Variants in SLC35A1 observed in about 807,000 individuals in gnomAD.
SLC35A1 encodes CMP-sialic acid transporter.
Under a neutral mutation model 40.3 loss-of-function variants are expected in SLC35A1, and 21 were observed. The observed-to-expected ratio is 0.52, with a 90% CI of 0.37 to 0.75. SLC35A1 has a LOEUF of 0.75. Among genes scored for constraint, SLC35A1 ranks in the 30% least tolerant of loss-of-function variants. The pLI, the probability that SLC35A1 is intolerant of heterozygous loss-of-function variation, is 0.00. For missense variants in SLC35A1, 297 were observed against 382.1 expected (o/e 0.78, Z 1.86); for synonymous variants, 146 against 147.3 (o/e 0.99, Z 0.06).
intron 4 of SLC35A1, 58 bp from the exon 5 acceptor site, chr6:87,506,324 T>G: frequency 7.4e-7 from 1 of 1,348,870 alleles, no homozygotes; most frequent in Non-Finnish European, 1.1e-6. Context: ...TTGTTTGGAC[T>G]CTTGGATGAA....
Position 87,473,107 on chromosome 6 carries a change from G to GAGCACC in SLC35A1, c.16+89_16+94dup, listed in dbSNP as rs1043099710. Reference sequence around the variant, plus strand: ...GCTGGTCAGCCCCTGTCGGGCAGCGGAGCACCCTGGTTGCCCAGTGCCTCT... The same window carrying GAGCACC: ...GCTGGTCAGCCCCTGTCGGGCAGCGGAGCACCAGCACCCTGGTTGCCCAGTGCCTCT... On this transcript the variant is annotated intron_variant, in intron 1 of 7. Coordinates refer to ENST00000369552, the MANE Select transcript of SLC35A1 (RefSeq NM_006416.5). 2.4e-4 allele frequency: 102 copies of GAGCACC among 416,800 alleles called. 1 individual carries two copies. The highest frequency in any genetic ancestry group is 1.8e-3 in the African/African-American group (88 of 48,834). 25.8% of individuals were successfully genotyped at this position (416,800 alleles called of 1,614,324 possible).
intron 3 of SLC35A1, 34 bp downstream of exon 3, chr6:87,500,701 A>C (rs779019007): frequency 6.2e-7 from 1 of 1,609,568 alleles, no homozygotes; most frequent in Non-Finnish European, 8.5e-7. Flanking sequence ...AAAGCACAGA[A>C]TCTTTTATGG....
chr6:87,495,390 C>T (rs941407073), intron 2 of SLC35A1, among the ~76,000 whole-genome samples: 2 of 152,206 alleles, frequency 1.3e-5, no homozygotes, highest in Non-Finnish European at 1.5e-5. Context: ...CTTTGAACTA[C>T]ATACCCATAT....
chr6:87,491,105 T>C (rs979725734), intron 2 of SLC35A1, among the ~76,000 whole-genome samples: 5 of 152,220 alleles, frequency 3.3e-5, no homozygotes, highest in Non-Finnish European at 7.3e-5. Context: ...CTAACCCTTA[T>C]CCAAAGTGCT....
chr6:87,475,378 T>C (rs559126317), intron 1 of SLC35A1, among the ~76,000 whole-genome samples: 2 of 152,360 alleles, frequency 1.3e-5, no homozygotes, highest in East Asian at 3.9e-4. Flanking sequence ...CTTCTACTGA[T>C]TAAAGGTTAT....
intron 5 of SLC35A1, 146 bp from the exon 6 acceptor site, chr6:87,508,274 T>C: frequency 3.2e-6 from 2 of 617,114 alleles, no homozygotes; most frequent in Non-Finnish European, 5.7e-6. Context: ...TCACACAACC[T>C]ACATAATAAA....
rs1769917269 is a variant in SLC35A1 at position 87,501,316 on chromosome 6, A to G, written c.507+6A>G. ...CCCAAGCTACAAAAGTGGTGGTAAGAAACAAAATGCACACCATAACTTCCC... is the reference window on the plus strand; with the variant it reads ...CCCAAGCTACAAAAGTGGTGGTAAGGAACAAAATGCACACCATAACTTCCC... On this transcript the variant is annotated splice_donor_region_variant and intron_variant, in intron 4 of 7. Coordinates refer to ENST00000369552, the MANE Select transcript of SLC35A1 (RefSeq NM_006416.5). 1 of 1,612,970 alleles carries G rather than the reference A, an allele frequency of 6.2e-7. No individual in the cohort carries two copies. The highest frequency in any genetic ancestry group is 8.5e-7 in the Non-Finnish European group (1 of 1,179,270).
chr6:87,495,542 T>C (rs536907698), intron 2 of SLC35A1, among the ~76,000 whole-genome samples: 35 of 152,350 alleles, frequency 2.3e-4, no homozygotes, highest in African/African-American at 8.4e-4. Context: ...ACCCATGCTA[T>C]AATGGGTTCA....
chr6:87,491,340 T>C (rs1337731139), intron 2 of SLC35A1, among the ~76,000 whole-genome samples: 2 of 152,218 alleles, frequency 1.3e-5, no homozygotes, highest in East Asian at 3.8e-4. Flanking sequence ...TCATTTTGGC[T>C]GAAACTATTA....
rs998275520 is a variant in SLC35A1 at position 87,503,065 on chromosome 6, C to CA, written c.507+1763dup. On this transcript the variant is annotated intron_variant, in intron 4 of 7. Transcript: ENST00000369552. ...CTTTGGGTATTACGCTTTCCAGAGT[C>CA]AAAAAAAATATGCCTTCTGGGTCTT... 9.9e-5 allele frequency among the ~76,000 whole-genome samples: 15 copies of CA among 151,806 alleles called. No homozygotes were observed. In the East Asian group the frequency reaches 1.9e-3, roughly 20 times the overall value.
chr6:87,501,368 A>G, intron 4 of SLC35A1, 58 bp downstream of exon 4: 1 of 1,531,386 alleles, frequency 6.5e-7, no homozygotes, highest in Non-Finnish European at 9.0e-7. Context: ...CTTAAGTCTT[A>G]TACTGTTCAG....
intron 2 of SLC35A1, among the ~76,000 whole-genome samples, chr6:87,487,024 A>C (rs1216308263): frequency 6.6e-6 from 1 of 152,198 alleles, no homozygotes; most frequent in East Asian, 1.9e-4. Context: ...TAAAAATACA[A>C]AAATTAGCTG....
chr6:87,486,465 AT>A (rs1214037551), intron 2 of SLC35A1, among the ~76,000 whole-genome samples: 1 of 152,210 alleles, frequency 6.6e-6, no homozygotes, highest in Non-Finnish European at 1.5e-5. Context: ...TCAAACCTCA[AT>A]TATATACTCA....
At chr6:87,510,224 A>T (rs890591571) in intron 7 of SLC35A1, among the ~76,000 whole-genome samples, 3 of 152,216 alleles carry the variant, frequency 2.0e-5, no homozygotes, top group Non-Finnish European at 4.4e-5. Context: ...TTTCAGTATC[A>T]GGTACTTATA....
intron 2 of SLC35A1, among the ~76,000 whole-genome samples, chr6:87,483,828 C>T (rs1230996730): frequency 6.6e-6 from 1 of 152,168 alleles, no homozygotes; most frequent in Non-Finnish European, 1.5e-5. Flanking sequence ...TCTCTGGCTG[C>T]TCCCCCAAGG....
chr6:87,496,845 G>C (rs1445579452), intron 2 of SLC35A1, among the ~76,000 whole-genome samples: 1 of 146,922 alleles, frequency 6.8e-6, no homozygotes, highest in Non-Finnish European at 1.5e-5. Context: ...GGAAGAAAAA[G>C]TAACCTTTTT....
intron 2 of SLC35A1, among the ~76,000 whole-genome samples, chr6:87,500,170 A>G (rs1429914220): frequency 6.6e-6 from 1 of 152,214 alleles, no homozygotes; most frequent in Non-Finnish European, 1.5e-5. Context: ...GGTGAACTTG[A>G]TGAAATAGTT....
intron 4 of SLC35A1, among the ~76,000 whole-genome samples, chr6:87,505,357 A>G (rs555613902): frequency 1.2e-4 from 18 of 152,340 alleles, no homozygotes; most frequent in African/African-American, 4.1e-4. Flanking sequence ...CTGACAGTTT[A>G]GAAAAGAAAG....
chr6:87,501,460 A>G lies in SLC35A1; in HGVS notation c.507+150A>G. The G allele has an allele frequency of 3.9e-6, 3 of 764,166 alleles. No individual in the cohort carries two copies. The South Asian group carries it at 4.7e-5, about 12-fold the overall frequency. 47.3% of individuals were successfully genotyped at this position (764,166 alleles called of 1,614,324 possible). On this transcript the variant is annotated intron_variant, in intron 4 of 7. Coordinates refer to ENST00000369552, the MANE Select transcript of SLC35A1 (RefSeq NM_006416.5). ...TATAGATAGGCCTTTTTTCTTTAGC[A>G]TATTATTAGGGATAATAATACTTAT...
Sources: gnomAD v4.1 joint callset for allele counts (sites outside exome capture counted in the v4.1 genomes callset) on GRCh38, gnomAD v4.1.1 for gene constraint, MANE v1.5 for transcripts, NCBI Gene and HGNC (gene_info 2026-07-23, HGNC 2026-07-21) for gene names.